SH3RF2: variants seen among roughly 807,000 people sequenced by gnomAD.
SH3RF2 encodes the protein SH3 domain containing ring finger 2, also known as E3 ubiquitin-protein ligase SH3RF2.
A neutral mutation model predicts 59.0 loss-of-function variants in SH3RF2; 43 were observed. The ratio of observed to expected loss-of-function variants is 0.73; its 90% CI spans 0.57 to 0.94. The LOEUF (loss-of-function observed/expected upper bound fraction) is 0.94. Ranked by LOEUF, SH3RF2 falls within the 40% of genes least tolerant of loss-of-function variation. The pLI, the probability that SH3RF2 is intolerant of heterozygous loss-of-function variation, is 0.00. For missense variants in SH3RF2, 930 were observed against 940.1 expected, an observed-to-expected ratio of 0.99 and a Z score of 0.14; for synonymous variants, 391 against 391.5, an observed-to-expected ratio of 1.00 and a Z score of 0.01.
intron 2 of SH3RF2, among the ~76,000 whole-genome samples, chr5:145,950,820 G>A (rs576114258): frequency 1.3e-5 from 2 of 152,284 alleles, no homozygotes; most frequent in South Asian, 4.1e-4. Flanking sequence ...CCCATTATGT[G>A]CACAGGCAAA....
At chr5:146,065,030 T>C (rs1363988369), downstream of SH3RF2, among the ~76,000 whole-genome samples, 2 of 152,124 alleles carry the variant, frequency 1.3e-5, no homozygotes, top group Non-Finnish European at 2.9e-5. Context: ...TTTCCAGACC[T>C]TAATAAAACA....
intron 2 of SH3RF2, among the ~76,000 whole-genome samples, chr5:145,939,219 A>AT (rs1757716606): frequency 6.6e-6 from 1 of 152,258 alleles, no homozygotes. Context: ...AGTGTAAAAA[A>AT]GTGGACACGG....
intron 2 of SH3RF2, among the ~76,000 whole-genome samples, chr5:145,955,880 A>T (rs540033684): frequency 6.6e-6 from 1 of 152,318 alleles, no homozygotes; most frequent in South Asian, 2.1e-4. Flanking sequence ...TTATGGGGAG[A>T]TCAAGGAAGC....
downstream of SH3RF2, among the ~76,000 whole-genome samples, chr5:146,064,764 AAGGAAG>A (rs1228249134): frequency 0.019 from 79 of 4,178 alleles, 2 homozygotes; most frequent in Non-Finnish European, 0.077. Flanking sequence ...GGAAGGAAGG[AAGGAAG>A]GAAGGAAAGG....
intron 2 of SH3RF2, among the ~76,000 whole-genome samples, chr5:145,958,035 T>G (rs920088392): frequency 6.6e-6 from 1 of 150,782 alleles, no homozygotes; most frequent in Admixed American, 6.6e-5. Context: ...ATCACTTGAA[T>G]CCAGGAGGCG....
At chr5:146,047,125 A>G (rs1762331378) in intron 5 of SH3RF2, among the ~76,000 whole-genome samples, 3 of 146,420 alleles carry the variant, frequency 2.0e-5, no homozygotes, top group African/African-American at 7.7e-5. Context: ...AAGGGATTCA[A>G]ATTCAACTAC....
Position 146,008,854 on chromosome 5 carries a change from C to T in SH3RF2, c.744+4701C>T, listed in dbSNP as rs112314257. On this transcript the variant is annotated intron_variant, in intron 4 of 9. Coordinates refer to ENST00000359120, the MANE Select transcript of SH3RF2 (RefSeq NM_152550.4). ...TTCTGTTCCTGTAGTTTTCTTTTTCCAGAATGTCATATAAATGGAATCATA... is the reference window on the plus strand; with the variant it reads ...TTCTGTTCCTGTAGTTTTCTTTTTCTAGAATGTCATATAAATGGAATCATA... 8.5e-3 allele frequency among the ~76,000 whole-genome samples: 1,295 copies of T among 152,176 alleles called. 20 individuals carry two copies. Among genetic ancestry groups the T allele is most frequent in the African/African-American group, 0.03 (1,230 of 41,508 alleles).
At chr5:145,978,685 G>GAA (rs72055049) in intron 2 of SH3RF2, among the ~76,000 whole-genome samples, 70 of 133,270 alleles carry the variant, frequency 5.3e-4, no homozygotes, top group African/African-American at 1.5e-3. Context: ...TGGTTTTAAG[G>GAA]AAAAAAAAAA....
intron 5 of SH3RF2, among the ~76,000 whole-genome samples, chr5:146,018,099 A>G (rs1171514427): frequency 6.6e-6 from 1 of 151,912 alleles, no homozygotes; most frequent in African/African-American, 2.4e-5. Flanking sequence ...TTTAATTTTA[A>G]TTTTTTCATT....
chr5:146,067,792 C>A (rs897609457), downstream of SH3RF2, among the ~76,000 whole-genome samples: 1 of 148,208 alleles, frequency 6.7e-6, no homozygotes, highest in Non-Finnish European at 1.5e-5. Context: ...CACACCCACA[C>A]CCCGGTCCTT....
At chr5:146,064,763 G>GAAGGAAGGAAGGAAGGAAGGAAGGAAGGA (rs1763036151), downstream of SH3RF2, among the ~76,000 whole-genome samples, 1 of 11,758 alleles carries the variant, frequency 8.5e-5, no homozygotes, top group Non-Finnish European at 2.1e-4. Context: ...AGGAAGGAAG[G>GAAGGAAGGAAGGAAGGAAGGAAGGAAGGA]AAGGAAGGAA....
intron 2 of SH3RF2, among the ~76,000 whole-genome samples, chr5:145,978,991 T>G (rs1759407803): frequency 6.6e-6 from 1 of 152,324 alleles, no homozygotes; most frequent in East Asian, 1.9e-4. Context: ...CTCATACTTC[T>G]GGGAACACAG....
rs140033199 is a variant in SH3RF2, at chr5:145,951,758, G to A, written c.378+13452G>A. ...TCTGCCACTCTTTGAAGGCAACTCA[G>A]GAGGGTTGCATCTTATTTTAACACC... On this transcript the variant is annotated intron_variant, in intron 2 of 9. Coordinates refer to ENST00000359120, the MANE Select transcript of SH3RF2 (RefSeq NM_152550.4). Among the ~76,000 whole-genome samples the A allele has an allele frequency of 3.2e-3, 491 of 152,298 alleles. 4 individuals are homozygous for A. The highest frequency in any genetic ancestry group is 0.011 in the African/African-American group (474 of 41,554).
intron 2 of SH3RF2, among the ~76,000 whole-genome samples, chr5:145,942,789 T>A (rs2149939517): frequency 6.6e-6 from 1 of 152,308 alleles, no homozygotes; most frequent in South Asian, 2.1e-4. Context: ...AATAACCACA[T>A]GGCCCCACAC....
Position 146,042,450 on chromosome 5 carries a change from G to A in SH3RF2, c.1060-5322G>A, listed in dbSNP as rs554826831. On this transcript the variant is annotated intron_variant, in intron 5 of 9. Coordinates refer to ENST00000359120, the MANE Select transcript of SH3RF2 (RefSeq NM_152550.4). Reference sequence around the variant, plus strand: ...TATTTAACCCTCATAACAACTCTAAGAGAGAAATACCATTATTGCCCCATT... The same window carrying A: ...TATTTAACCCTCATAACAACTCTAAAAGAGAAATACCATTATTGCCCCATT... Among the ~76,000 whole-genome samples, 5 of 152,316 alleles carry A rather than the reference G, an allele frequency of 3.3e-5. No individual in the cohort carries two copies. The South Asian group carries it at 8.3e-4, about 25-fold the overall frequency.
intron 4 of SH3RF2, among the ~76,000 whole-genome samples, chr5:146,012,093 G>A (rs1355029922): frequency 6.6e-6 from 1 of 152,212 alleles, no homozygotes; most frequent in South Asian, 2.1e-4. Context: ...AGCATGAAGG[G>A]CTGTTGAATT....
chr5:146,060,316 G>A, intron 9 of SH3RF2, 92 bp downstream of exon 9: 1 of 1,260,392 alleles, frequency 7.9e-7, no homozygotes, highest in Non-Finnish European at 1.1e-6. Context: ...GGTGAACAAG[G>A]AACCAAAATT....
At chr5:146,076,740 G>A (rs1763348488) in intron 9 of SH3RF2, among the ~76,000 whole-genome samples, 1 of 152,178 alleles carries the variant, frequency 6.6e-6, no homozygotes, top group East Asian at 1.9e-4. Context: ...GAGCCCAGAT[G>A]TGGTTGTCTG....
chr5:146,081,152 ACT>A (rs1400080250), exon 10 of SH3RF2: 3 of 152,092 alleles, frequency 2.0e-5, no homozygotes, highest in Non-Finnish European at 2.9e-5. Context: ...CTGTTGGGTA[ACT>A]CTCAAATTTG....
Sources: allele counts gnomAD v4.1 joint callset (sites outside exome capture counted in the v4.1 genomes callset), GRCh38; gene constraint gnomAD v4.1.1; transcripts MANE v1.5; gene names NCBI Gene and HGNC (gene_info 2026-07-23, HGNC 2026-07-21).